Variants in LRP1B observed in about 807,000 individuals in gnomAD.
LRP1B encodes the protein low-density lipoprotein receptor-related protein 1B.
LRP1B carries 217 observed loss-of-function variants against 556.6 expected under a neutral mutation model. That is an observed-to-expected ratio of 0.39 (90% confidence interval 0.35 to 0.44). LRP1B has a LOEUF of 0.44. Among genes scored for constraint, LRP1B ranks in the 20% least tolerant of loss-of-function variants. LRP1B has a pLI of 1.00. For synonymous variants in LRP1B, 2,047 were observed against 1,865.8 expected, an observed-to-expected ratio of 1.10 and a Z score of -2.50; for missense variants, 5,053 against 5,620.8, an observed-to-expected ratio of 0.90 and a Z score of 3.23.
chr2:140,991,455 A>G lies in LRP1B; in HGVS notation c.2645-1798T>C, dbSNP rs549318484. Among the ~76,000 whole-genome samples the G allele has an allele frequency of 3.9e-5, 6 of 152,262 alleles. No homozygotes were observed. The East Asian group carries it at 1.2e-3, about 29-fold the overall frequency. ...TAAAATGTTGCTCAGAATCACTGCA[A>G]TGCTTAGGGAAGATGACATAGTGCT... On this transcript the variant is annotated intron_variant, in intron 16 of 90. Coordinates refer to ENST00000389484, the MANE Select transcript of LRP1B (RefSeq NM_018557.3).
At chr2:141,286,080 A>AC (rs1685710202) in intron 3 of LRP1B, among the ~76,000 whole-genome samples, 1 of 150,890 alleles carries the variant, frequency 6.6e-6, no homozygotes, top group Non-Finnish European at 1.5e-5. Context: ...AAAAAAAAAA[A>AC]AAAAAAAATG....
At chr2:141,601,738 G>A (rs893342892) in intron 2 of LRP1B, among the ~76,000 whole-genome samples, 1 of 151,470 alleles carries the variant, frequency 6.6e-6, no homozygotes, top group Non-Finnish European at 1.5e-5. Context: ...CTGCCTCCCA[G>A]ATTTAAGCCA....
intron 47 of LRP1B, among the ~76,000 whole-genome samples, chr2:140,533,645 A>C (rs1690819420): frequency 6.6e-6 from 1 of 152,164 alleles, no homozygotes; most frequent in Admixed American, 6.6e-5. Flanking sequence ...AGAACACCAA[A>C]GTTTCCCGTC....
intron 1 of LRP1B, among the ~76,000 whole-genome samples, chr2:142,014,392 G>T (rs1354660878): frequency 6.6e-6 from 1 of 152,116 alleles, no homozygotes; most frequent in Non-Finnish European, 1.5e-5. Flanking sequence ...TTTATTTGAA[G>T]AAATGGACTA....
At chr2:140,941,704 C>G (rs1165797937) in intron 20 of LRP1B, among the ~76,000 whole-genome samples, 1 of 152,114 alleles carries the variant, frequency 6.6e-6, no homozygotes, top group Admixed American at 6.6e-5. Flanking sequence ...CCTCTGAAAG[C>G]ACCTGCAAAT....
At chr2:141,808,681 A>C (rs1300190827) in intron 2 of LRP1B, among the ~76,000 whole-genome samples, 1 of 152,092 alleles carries the variant, frequency 6.6e-6, no homozygotes, top group Admixed American at 6.6e-5. Context: ...AATCTAATTT[A>C]AGAATATTTT....
intron 3 of LRP1B, among the ~76,000 whole-genome samples, chr2:141,462,224 CAA>C (rs1347560966): frequency 6.6e-6 from 1 of 152,120 alleles, no homozygotes; most frequent in East Asian, 1.9e-4. Flanking sequence ...TTAATGGCAC[CAA>C]GTCAGCTCTA....
intron 41 of LRP1B, among the ~76,000 whole-genome samples, chr2:140,671,366 A>G (rs1353372082): frequency 6.6e-6 from 1 of 151,444 alleles, no homozygotes; most frequent in East Asian, 2.0e-4. Flanking sequence ...TAAAAATACA[A>G]AAAAATTAGC....
At chr2:140,314,208 T>C (rs1684422483) in intron 83 of LRP1B, among the ~76,000 whole-genome samples, 1 of 152,034 alleles carries the variant, frequency 6.6e-6, no homozygotes, top group African/African-American at 2.4e-5. Context: ...GATTGCACTA[T>C]AATAGTTGCA....
At chr2:142,125,739 T>C (rs1332078796) in intron 1 of LRP1B, among the ~76,000 whole-genome samples, 1 of 151,832 alleles carries the variant, frequency 6.6e-6, no homozygotes, top group Admixed American at 6.6e-5. Flanking sequence ...GGAATAGCTA[T>C]CCATGTGAAA....
intron 1 of LRP1B, among the ~76,000 whole-genome samples, chr2:141,909,754 T>C (rs1031468128): frequency 6.6e-5 from 10 of 151,942 alleles, no homozygotes; most frequent in African/African-American, 2.2e-4. Flanking sequence ...AACCTAAACT[T>C]AGGTTTTCTG....
Position 142,115,494 on chromosome 2 carries a change from TATA to T in LRP1B, c.82+15151_82+15153del, listed in dbSNP as rs1707161176. ...ATTACATACATATAATATATAATTA[TATA>T]TAATATATATTATATATTACATATA... On this transcript the variant is annotated intron_variant, in intron 1 of 90. Coordinates refer to ENST00000389484, the MANE Select transcript of LRP1B (RefSeq NM_018557.3). 6.6e-5 allele frequency among the ~76,000 whole-genome samples: 6 copies of T among 90,886 alleles called. No homozygotes were observed. The South Asian group carries it at 8.2e-4, about 12-fold the overall frequency. The allele number at this position is 90,886 out of a possible 152,430, so 59.6% of individuals were successfully genotyped here.
chr2:140,976,682 G>A (rs1347355656), intron 18 of LRP1B, among the ~76,000 whole-genome samples: 1 of 150,744 alleles, frequency 6.6e-6, no homozygotes, highest in African/African-American at 2.4e-5. Flanking sequence ...TAATTTTTTT[G>A]CTGTTTTTAG....
At chr2:140,451,779 T>C (rs1686896117) in intron 62 of LRP1B, among the ~76,000 whole-genome samples, 1 of 152,030 alleles carries the variant, frequency 6.6e-6, no homozygotes, top group African/African-American at 2.4e-5. Context: ...CATTTTTTTT[T>C]GGCTGACTTA....
intron 55 of LRP1B, among the ~76,000 whole-genome samples, chr2:140,500,526 G>T (rs1038994977): frequency 4.6e-5 from 7 of 151,788 alleles, no homozygotes; most frequent in Admixed American, 3.3e-4. Flanking sequence ...TGTGTGAGGT[G>T]GTTCATTCCA....
At chr2:141,514,842 T>TA (rs905167994) in intron 2 of LRP1B, among the ~76,000 whole-genome samples, 1 of 152,136 alleles carries the variant, frequency 6.6e-6, no homozygotes, top group African/African-American at 2.4e-5. Context: ...ATCCTGAAAG[T>TA]AAAAAACACA....
At chr2:142,014,578 A>G (rs1250016047) in intron 1 of LRP1B, among the ~76,000 whole-genome samples, 1 of 152,214 alleles carries the variant, frequency 6.6e-6, no homozygotes, top group Non-Finnish European at 1.5e-5. Flanking sequence ...GAAAAGAAAG[A>G]AGAGGAACCA....
intron 2 of LRP1B, among the ~76,000 whole-genome samples, chr2:141,601,201 A>AATAT: frequency 9.7e-6 from 1 of 102,752 alleles, no homozygotes; most frequent in Non-Finnish European, 1.9e-5. Flanking sequence ...TCTGTCTGTC[A>AATAT]GTATCTATCT....
Position 140,233,367 on chromosome 2 carries a change from T to G in LRP1B, c.13660-41A>C, listed in dbSNP as rs560595971. ...AATAAATATAATTTTATTACTGGTC[T>G]TGGCCACATTAATTATTTACTTCCT... On this transcript the variant is annotated intron_variant, in intron 90 of 90. Coordinates refer to ENST00000389484, the MANE Select transcript of LRP1B (RefSeq NM_018557.3). 7.1e-6 allele frequency: 10 copies of G among 1,415,584 alleles called. No individual in the cohort carries two copies. In the Admixed American group the frequency reaches 1.6e-4, roughly 22 times the overall value. The allele number at this position is 1,415,584 out of a possible 1,614,324, so 87.7% of individuals were successfully genotyped here.
Sources: allele counts gnomAD v4.1 joint callset (sites outside exome capture counted in the v4.1 genomes callset), GRCh38; gene constraint gnomAD v4.1.1; transcripts MANE v1.5; gene names NCBI Gene and HGNC (gene_info 2026-07-23, HGNC 2026-07-21).